The following MSRA variants were observed in gnomAD, a reference collection of about 807,000 sequenced individuals.
The protein encoded by MSRA is methionine sulfoxide reductase A.
A neutral mutation model predicts 31.3 loss-of-function variants in MSRA; 54 were observed. The observed-to-expected ratio is 1.73, with a 90% confidence interval of 1.39 to 2.17. MSRA has a LOEUF of 2.17. Among genes scored for constraint, MSRA ranks in the 30% most tolerant of loss-of-function variants. MSRA has a pLI of 0.00. For missense variants in MSRA, 507 were observed against 300.9 expected (o/e 1.69, Z -5.07); for synonymous variants, 169 against 116.5 (o/e 1.45, Z -2.90).
At chr8:10,069,248 A>C (rs918045321) in intron 1 of MSRA, among the ~76,000 whole-genome samples, 1 of 151,956 alleles carries the variant, frequency 6.6e-6, no homozygotes, top group Non-Finnish European at 1.5e-5. Context: ...TACACCTTTT[A>C]TTTCTTTTTC....
rs559072475 is a variant in MSRA, at chr8:10,205,650, A to T, written c.143-2183A>T. On this transcript the variant is annotated intron_variant, in intron 1 of 5. Coordinates refer to ENST00000317173, the MANE Select transcript of MSRA (RefSeq NM_012331.5). The stretch of plus-strand genomic sequence containing the variant: ...TATAATTTTCATTTGTTTGAATTCA[A>T]ACATTTTCACCCTAGACAAAAAGAA... Among the ~76,000 whole-genome samples, 49 of 152,368 alleles carry T rather than the reference A, an allele frequency of 3.2e-4. No homozygotes were observed. In the South Asian group the frequency reaches 9.7e-3, roughly 30 times the overall value.
At chr8:10,300,233 G>A (rs1198520755) in intron 3 of MSRA, among the ~76,000 whole-genome samples, 1 of 151,880 alleles carries the variant, frequency 6.6e-6, no homozygotes, top group African/African-American at 2.4e-5. Context: ...CAGTAGTATA[G>A]GTGATTTGTA....
intron 1 of MSRA, among the ~76,000 whole-genome samples, chr8:10,057,793 C>T (rs980865517): frequency 1.3e-5 from 2 of 152,198 alleles, no homozygotes; most frequent in African/African-American, 2.4e-5. Flanking sequence ...TGTAAGTTTC[C>T]TGAGGCCTCC....
chr8:10,155,050 C>T (rs1003968255), intron 1 of MSRA, among the ~76,000 whole-genome samples: 1 of 137,944 alleles, frequency 7.2e-6, no homozygotes, highest in African/African-American at 2.9e-5. Flanking sequence ...AGAGAACAAG[C>T]TTATTTTATG....
chr8:10,312,390 A>C (rs1439576762), intron 4 of MSRA, among the ~76,000 whole-genome samples: 1 of 152,230 alleles, frequency 6.6e-6, no homozygotes, highest in African/African-American at 2.4e-5. Context: ...ACTTTGTGTC[A>C]ATAAATTTGA....
intron 5 of MSRA, among the ~76,000 whole-genome samples, chr8:10,334,135 C>A (rs990021460): frequency 7.2e-5 from 11 of 151,906 alleles, no homozygotes; most frequent in Non-Finnish European, 1.2e-4. Flanking sequence ...GCGTTAATAT[C>A]ATCTCTTATC....
chr8:10,202,364 C>G (rs1421209219), intron 1 of MSRA, among the ~76,000 whole-genome samples: 1 of 152,166 alleles, frequency 6.6e-6, no homozygotes, highest in Non-Finnish European at 1.5e-5. Context: ...GAAAGTAGCT[C>G]TCAGATTTCC....
In MSRA at chr8:10,196,996, G is replaced by T. The variant is rs1442310945; in HGVS notation, c.143-10837G>T. Among the ~76,000 whole-genome samples the T allele has an allele frequency of 5.3e-5, 8 of 152,168 alleles. No individual in the cohort carries two copies. In the East Asian group the frequency reaches 1.5e-3, roughly 29 times the overall value. ...GACTCAATAGGAAACACATGTCTTA[G>T]TATAAAACAAATTCCTTTTGGTCTA... On this transcript the variant is annotated intron_variant, in intron 1 of 5. Transcript: ENST00000317173.
At chr8:10,215,703 G>C (rs1809929310) in intron 2 of MSRA, among the ~76,000 whole-genome samples, 1 of 152,168 alleles carries the variant, frequency 6.6e-6, no homozygotes, top group Non-Finnish European at 1.5e-5. Flanking sequence ...AAGTGAGACT[G>C]GTTGTTTGCT....
At chr8:10,415,710 C>T (rs1050383204) in intron 5 of MSRA, among the ~76,000 whole-genome samples, 1 of 151,984 alleles carries the variant, frequency 6.6e-6, no homozygotes, top group Non-Finnish European at 1.5e-5. Flanking sequence ...CCTCCCTGCA[C>T]TCTCCTCCGG....
At chr8:10,408,962 C>T (rs891569492) in intron 5 of MSRA, among the ~76,000 whole-genome samples, 6 of 152,182 alleles carry the variant, frequency 3.9e-5, no homozygotes, top group Admixed American at 1.3e-4. Context: ...TTTTTCCGTT[C>T]ATCTGTTGAA....
chr8:10,339,050 A>T (rs1311056375), intron 5 of MSRA, among the ~76,000 whole-genome samples: 3 of 151,916 alleles, frequency 2.0e-5, no homozygotes, highest in African/African-American at 4.9e-5. Context: ...CCATTTTTTA[A>T]TTCACTGGGT....
At chr8:10,096,936 C>T (rs1455960452) in intron 1 of MSRA, among the ~76,000 whole-genome samples, 1 of 152,108 alleles carries the variant, frequency 6.6e-6, no homozygotes, top group Admixed American at 6.5e-5. Context: ...CGAAAGAATA[C>T]AGGAAAATTG....
intron 1 of MSRA, among the ~76,000 whole-genome samples, chr8:10,144,590 G>A (rs752747137): frequency 3.2e-4 from 48 of 152,028 alleles, no homozygotes; most frequent in Non-Finnish European, 1.5e-4. Context: ...TGAAAACAGC[G>A]CTTCCCCCCC....
At chr8:10,148,383 C>T (rs532797448) in intron 1 of MSRA, among the ~76,000 whole-genome samples, 33 of 151,448 alleles carry the variant, frequency 2.2e-4, no homozygotes, top group African/African-American at 8.0e-4. Flanking sequence ...CACGGTGGCT[C>T]ATGCCTGTAA....
chr8:10,347,965 A>G (rs1803889532), intron 5 of MSRA, among the ~76,000 whole-genome samples: 2 of 152,210 alleles, frequency 1.3e-5, no homozygotes, highest in Admixed American at 1.3e-4. Flanking sequence ...AACTAAGCTC[A>G]TTGAAACATC....
Position 10,284,706 on chromosome 8 carries a change from G to C in MSRA, c.332-16828G>C, listed in dbSNP as rs138689754. 8.1e-4 allele frequency among the ~76,000 whole-genome samples: 123 copies of C among 152,202 alleles called. 4 individuals are homozygous for C. The Middle Eastern group carries it at 0.024, about 29-fold the overall frequency. ...TCTGGAGCTACATTATGGAGGTCTG[G>C]GTTCTGACTCCGCCCCTCAGTGGTG... is the stretch of plus-strand genomic sequence containing the variant. On this transcript the variant is annotated intron_variant, in intron 3 of 5. Coordinates refer to ENST00000317173, the MANE Select transcript of MSRA (RefSeq NM_012331.5).
At chr8:10,253,145 C>T (rs1447122124) in intron 3 of MSRA, among the ~76,000 whole-genome samples, 1 of 152,168 alleles carries the variant, frequency 6.6e-6, no homozygotes, top group East Asian at 1.9e-4. Context: ...TCCTGCTGTC[C>T]TCGAATGGTA....
intron 3 of MSRA, among the ~76,000 whole-genome samples, chr8:10,252,685 A>T (rs1341355320): frequency 6.6e-6 from 1 of 152,220 alleles, no homozygotes; most frequent in African/African-American, 2.4e-5. Context: ...AATCAGGGCA[A>T]GTGGACTGCA....
Sources: allele counts gnomAD v4.1 joint callset (sites outside exome capture counted in the v4.1 genomes callset), GRCh38; gene constraint gnomAD v4.1.1; transcripts MANE v1.5; gene names NCBI Gene and HGNC (gene_info 2026-07-23, HGNC 2026-07-21).